The following TPM4 variants were observed in gnomAD, a reference collection of about 807,000 sequenced individuals.
TPM4 encodes tropomyosin alpha-4 chain.
In TPM4, 17 loss-of-function variants were observed where a neutral mutation model predicts 35.8. That is an observed-to-expected ratio of 0.47 (90% CI 0.32 to 0.71). TPM4 has a LOEUF of 0.71. TPM4 is among the 30% of genes least tolerant of loss of function. The probability of loss-of-function intolerance (pLI) is 0.03; values close to 1 mark genes in which losing one functional copy is unlikely to be tolerated. For synonymous variants in TPM4, 120 were observed against 122.9 expected (o/e 0.98, Z 0.15); for missense variants, 240 against 320.9 (o/e 0.75, Z 1.93).
chr19:16,083,179 C>T (rs1417887610), intron 2 of TPM4, among the ~76,000 whole-genome samples: 1 of 152,130 alleles, frequency 6.6e-6, no homozygotes, highest in Non-Finnish European at 1.5e-5. Flanking sequence ...TGCCGTGGCT[C>T]ACGCCTATAA....
chr19:16,094,195 G>GA (rs1239076912), intron 7 of TPM4, among the ~76,000 whole-genome samples: 1 of 151,918 alleles, frequency 6.6e-6, no homozygotes, highest in African/African-American at 2.4e-5. Flanking sequence ...CAAGTATAGA[G>GA]AAAAGAGTAT....
At chr19:16,078,341 G>T (rs1382454586) in intron 1 of TPM4, among the ~76,000 whole-genome samples, 1 of 152,178 alleles carries the variant, frequency 6.6e-6, no homozygotes, top group Non-Finnish European at 1.5e-5. Context: ...AAGCCCAAAA[G>T]CCCTGAAAGT....
At chr19:16,086,883 C>T (rs1255172957) in intron 3 of TPM4, among the ~76,000 whole-genome samples, 3 of 152,110 alleles carry the variant, frequency 2.0e-5, no homozygotes, top group East Asian at 1.9e-4. Flanking sequence ...TTGCCTCCCT[C>T]GATGGCTCGG....
intron 7 of TPM4, chr19:16,100,993 A>G: frequency 1.1e-5 from 3 of 273,416 alleles, no homozygotes; most frequent in Non-Finnish European, 2.1e-5. Context: ...AACATGGTGA[A>G]ACCCCATCTC....
chr19:16,096,936 C>CTTTTTTTCTTTTTTTTTTTT (rs2090705707), intron 7 of TPM4, among the ~76,000 whole-genome samples: 1 of 69,050 alleles, frequency 1.4e-5, no homozygotes, highest in African/African-American at 5.6e-5. Flanking sequence ...CAAGGTCACT[C>CTTTTTTTCTTTTTTTTTTTT]TTTTTTTTTT....
At chr19:16,080,442 G>A (rs888651272) in intron 1 of TPM4, 4 of 196,852 alleles carry the variant, frequency 2.0e-5, no homozygotes, top group African/African-American at 6.9e-5. Context: ...AAGGCAGTCC[G>A]GTAACTAATC....
intron 7 of TPM4, among the ~76,000 whole-genome samples, chr19:16,096,170 C>T (rs1568311877): frequency 2.0e-5 from 3 of 152,124 alleles, no homozygotes. Context: ...ACCTTGTGAT[C>T]CGCCTGCCTT....
rs1191183574 is a variant in TPM4 at position 16,070,316 on chromosome 19, G to A, written c.114+2578G>A. 2.6e-5 allele frequency among the ~76,000 whole-genome samples: 4 copies of A among 152,142 alleles called. No individual in the cohort carries two copies. The South Asian group carries it at 8.3e-4, about 31-fold the overall frequency. ...CCATGGTTTGGGGCAGAGCAGACAG[G>A]AGCAGTGGGTGGGAGGAAGGAAGGG... is the stretch of plus-strand genomic sequence containing the variant. On this transcript the variant is annotated intron_variant, in intron 2 of 2. Coordinates refer to the TPM4 transcript ENST00000589897. The surrounding 1 kb of genome is among the most constrained non-coding windows in gnomAD (Gnocchi z 7.4).
In TPM4 at chr19:16,101,421, C is replaced by A. The variant is rs1180913821; in HGVS notation, c.*75C>A. 6 of 1,139,204 alleles carry A rather than the reference C, an allele frequency of 5.3e-6. No individual in the cohort carries two copies. In the Admixed American group the frequency reaches 1.9e-4, roughly 36 times the overall value. The allele number at this position is 1,139,204 out of a possible 1,614,324, so 70.6% of individuals were successfully genotyped here. A position where few individuals can be genotyped will look rare whatever the true frequency, so the allele number is the denominator to read the frequency against. On this transcript the variant is annotated 3_prime_UTR_variant, in exon 8 of 8. Coordinates refer to ENST00000643579, the MANE Select transcript of TPM4 (RefSeq NM_003290.3). ...CTTTCTCTTCTCTTGTAAGAAGTTC[C>A]TTTTGTTATTGCCATCTTCGCTTTG...
At chr19:16,101,042 G>C (rs972246612) in intron 7 of TPM4, 3 of 356,786 alleles carry the variant, frequency 8.4e-6, no homozygotes, top group African/African-American at 6.5e-5. Flanking sequence ...GTGGTGGCAC[G>C]CGTCTGTAAT....
At chr19:16,098,936 G>A (rs1255275583) in intron 7 of TPM4, among the ~76,000 whole-genome samples, 1 of 152,104 alleles carries the variant, frequency 6.6e-6, no homozygotes, top group African/African-American at 2.4e-5. Flanking sequence ...CTGTTATGAG[G>A]ATTAAATGAG....
intron 7 of TPM4, among the ~76,000 whole-genome samples, chr19:16,098,804 T>A (rs921542935): frequency 2.0e-5 from 3 of 151,888 alleles, no homozygotes; most frequent in East Asian, 1.9e-4. Flanking sequence ...ATTTTATTTT[T>A]AAAAAATTTT....
intron 3 of TPM4, among the ~76,000 whole-genome samples, chr19:16,087,238 C>T (rs989844196): frequency 7.2e-5 from 11 of 151,982 alleles, no homozygotes; most frequent in African/African-American, 2.2e-4. Flanking sequence ...GCTCTGACCA[C>T]GCCACTGCAC....
chr19:16,072,248 T>C (rs73515755), upstream of TPM4, among the ~76,000 whole-genome samples: 3,060 of 152,248 alleles, frequency 0.02, 118 homozygotes, highest in African/African-American at 0.07. Flanking sequence ...GAACTGACCC[T>C]CAAGAAACTC....
At chr19:16,076,009 C>G (rs774889538), upstream of TPM4, 14 of 1,591,072 alleles carry the variant, frequency 8.8e-6, no homozygotes, top group Non-Finnish European at 1.1e-5. Context: ...CGTGACCCCC[C>G]CCCCAGGCTG....
In TPM4 at chr19:16,097,336, G is replaced by A. The variant is rs187113359; in HGVS notation, c.664+3583G>A. On this transcript the variant is annotated intron_variant, in intron 7 of 7. Transcript: ENST00000643579. Reference sequence around the variant, plus strand: ...GTTGCCCACGCTGGAGTGCAGTGGCGCCATCTCTGCTCACTGCAACCTCTG... The same window carrying A: ...GTTGCCCACGCTGGAGTGCAGTGGCACCATCTCTGCTCACTGCAACCTCTG... 1.4e-3 allele frequency among the ~76,000 whole-genome samples: 209 copies of A among 151,226 alleles called. 1 individual carries two copies. The highest frequency in any genetic ancestry group is 4.8e-3 in the African/African-American group (197 of 41,160).
chr19:16,080,548 C>T (rs376487345), intron 1 of TPM4: 2 of 190,654 alleles, frequency 1.0e-5, no homozygotes, highest in Non-Finnish European at 2.2e-5. Flanking sequence ...CAGTGGCTCA[C>T]GCCTGTAATC....
chr19:16,087,449 T>C (rs2090569980), intron 3 of TPM4, among the ~76,000 whole-genome samples: 1 of 152,090 alleles, frequency 6.6e-6, no homozygotes, highest in Admixed American at 6.6e-5. Context: ...TGGTCGTGCA[T>C]GCCTGTAAGC....
At chr19:16,098,295 T>C (rs1384729765) in intron 7 of TPM4, among the ~76,000 whole-genome samples, 1 of 151,926 alleles carries the variant, frequency 6.6e-6, no homozygotes, top group Non-Finnish European at 1.5e-5. Context: ...ATGCAAAAAT[T>C]AGCCGGGCAT....
Sources: gnomAD v4.1 joint callset for allele counts (sites outside exome capture counted in the v4.1 genomes callset) on GRCh38, gnomAD v4.1.1 for gene constraint, Gnocchi (gnomAD v3.1) non-coding constraint, MANE v1.5 for transcripts, NCBI Gene and HGNC (gene_info 2026-07-23, HGNC 2026-07-21) for gene names.